The following DIAPH3 variants were observed in gnomAD, a reference collection of about 807,000 sequenced individuals.
The protein encoded by DIAPH3 is diaphanous related formin 3.
In DIAPH3, 117 loss-of-function variants were observed where a neutral mutation model predicts 144.3. The observed-to-expected ratio is 0.81, with a 90% CI of 0.70 to 0.95. The LOEUF (loss-of-function observed/expected upper bound fraction) is 0.95, where lower values mean the gene tolerates loss of function less well. Ranked by LOEUF, DIAPH3 falls within the 40% of genes least tolerant of loss-of-function variation. The pLI is 0.00. For missense variants in DIAPH3, 1,421 were observed against 1,412.7 expected (o/e 1.01, Z -0.09); for synonymous variants, 519 against 488.9 (o/e 1.06, Z -0.81).
intron 25 of DIAPH3, among the ~76,000 whole-genome samples, chr13:59,786,027 G>A (rs2039014967): frequency 6.6e-6 from 1 of 152,058 alleles, no homozygotes; most frequent in African/African-American, 2.4e-5. Flanking sequence ...AAAACATACG[G>A]CTTGCTGGAG....
intron 2 of DIAPH3, among the ~76,000 whole-genome samples, chr13:60,132,193 G>A (rs1281757273): frequency 6.6e-6 from 1 of 152,142 alleles, no homozygotes; most frequent in Non-Finnish European, 1.5e-5. Context: ...TTACCCAGGT[G>A]CATAAGACAG....
intron 22 of DIAPH3, among the ~76,000 whole-genome samples, chr13:59,855,899 T>G (rs1261409320): frequency 6.6e-6 from 1 of 151,742 alleles, no homozygotes; most frequent in Admixed American, 6.6e-5. Context: ...TATATATTTA[T>G]GGATATATAT....
chr13:60,045,952 AT>A, intron 4 of DIAPH3, among the ~76,000 whole-genome samples: 1 of 152,212 alleles, frequency 6.6e-6, no homozygotes, highest in East Asian at 1.9e-4. Flanking sequence ...ATAATTCTTA[AT>A]TCCTTTAACA....
intron 21 of DIAPH3, among the ~76,000 whole-genome samples, chr13:59,876,896 A>C (rs2140038274): frequency 6.6e-6 from 1 of 152,210 alleles, no homozygotes; most frequent in South Asian, 2.1e-4. Flanking sequence ...TTCTCAGGGA[A>C]AGCCTGAATC....
intron 24 of DIAPH3, 177 bp downstream of exon 24, chr13:59,832,930 C>T (rs1385122739): frequency 3.2e-5 from 20 of 621,342 alleles, no homozygotes; most frequent in Admixed American, 1.0e-4. Context: ...GTTGGAAAGG[C>T]CAAAAGGAGA....
intron 20 of DIAPH3, among the ~76,000 whole-genome samples, chr13:59,899,802 A>T (rs2046331660): frequency 6.6e-6 from 1 of 152,234 alleles, no homozygotes; most frequent in South Asian, 2.1e-4. Context: ...AACACAAGCA[A>T]AATTTTGTAC....
At chr13:59,936,100 G>T (rs1462344816) in intron 17 of DIAPH3, among the ~76,000 whole-genome samples, 1 of 151,914 alleles carries the variant, frequency 6.6e-6, no homozygotes, top group Admixed American at 6.6e-5. Flanking sequence ...CTTCATTATG[G>T]GTATATCTAG....
chr13:60,000,820 C>G (rs2052478545), intron 9 of DIAPH3, among the ~76,000 whole-genome samples: 1 of 152,080 alleles, frequency 6.6e-6, no homozygotes, highest in Admixed American at 6.6e-5. Context: ...TATTCAGTAA[C>G]TAACATAGGG....
chr13:60,083,767 G>A (rs778495611), intron 4 of DIAPH3, among the ~76,000 whole-genome samples: 6 of 151,998 alleles, frequency 3.9e-5, no homozygotes, highest in Admixed American at 1.3e-4. Flanking sequence ...GACCAAGCAC[G>A]GTGGTGCATG....
chr13:60,077,526 C>A (rs930255108), intron 4 of DIAPH3, among the ~76,000 whole-genome samples: 7 of 151,986 alleles, frequency 4.6e-5, no homozygotes, highest in African/African-American at 1.7e-4. Context: ...CAAAATAAAA[C>A]AAATTTATTT....
At chr13:60,136,939 CA>C (rs67539072) in intron 1 of DIAPH3, among the ~76,000 whole-genome samples, 5 of 148,752 alleles carry the variant, frequency 3.4e-5, no homozygotes, top group East Asian at 2.0e-4. Flanking sequence ...GACTCCGTCT[CA>C]AAAAAAAAAA....
At position 59,976,718 on chromosome 13, in the gene DIAPH3, T is replaced by C. The variant is rs546742862; in HGVS notation, c.1546-2262A>G. ...TCTTTCCTCACCCTCCTCCTGCTTG[T>C]CTCATCTTCCACAGCCATGTTTAAA... On this transcript the variant is annotated intron_variant, in intron 14 of 27. Coordinates refer to ENST00000400324, the MANE Select transcript of DIAPH3 (RefSeq NM_001042517.2). 3.3e-5 allele frequency among the ~76,000 whole-genome samples: 5 copies of C among 151,744 alleles called. No individual in the cohort carries two copies. In the East Asian group the frequency reaches 9.7e-4, roughly 30 times the overall value.
At chr13:59,808,054 T>A (rs972716400) in intron 25 of DIAPH3, among the ~76,000 whole-genome samples, 3 of 151,748 alleles carry the variant, frequency 2.0e-5, no homozygotes, top group Non-Finnish European at 4.4e-5. Context: ...TACAGTCATA[T>A]TATAAATAAT....
intron 7 of DIAPH3, among the ~76,000 whole-genome samples, chr13:60,014,444 A>G (rs1039165844): frequency 1.3e-5 from 2 of 152,194 alleles, no homozygotes; most frequent in Non-Finnish European, 2.9e-5. Flanking sequence ...TTTGAAAATA[A>G]TATCTGTTTA....
At chr13:59,900,169 C>T (rs1476565379) in intron 20 of DIAPH3, among the ~76,000 whole-genome samples, 1 of 152,094 alleles carries the variant, frequency 6.6e-6, no homozygotes, top group Non-Finnish European at 1.5e-5. Context: ...ACTAAATAAG[C>T]TCAATCCCTT....
intron 4 of DIAPH3, among the ~76,000 whole-genome samples, chr13:60,055,088 T>G (rs1381207537): frequency 6.6e-6 from 1 of 151,902 alleles, no homozygotes; most frequent in East Asian, 1.9e-4. Context: ...GCCTATAATT[T>G]GGAAGCTGGT....
intron 21 of DIAPH3, among the ~76,000 whole-genome samples, chr13:59,878,423 C>A (rs2140047814): frequency 6.6e-6 from 1 of 152,252 alleles, no homozygotes; most frequent in Middle Eastern, 3.4e-3. Context: ...TTGTTTTTCA[C>A]CTTCCCTAAC....
At chr13:59,704,079 T>G (rs1225069335) in intron 27 of DIAPH3, among the ~76,000 whole-genome samples, 1 of 152,226 alleles carries the variant, frequency 6.6e-6, no homozygotes, top group African/African-American at 2.4e-5. Flanking sequence ...TATCATTTCC[T>G]CAGCAAAAAT....
At chr13:59,892,119 A>C (rs1309761241) in intron 20 of DIAPH3, among the ~76,000 whole-genome samples, 8 of 151,986 alleles carry the variant, frequency 5.3e-5, no homozygotes, top group African/African-American at 1.7e-4. Flanking sequence ...GAAAAACAAC[A>C]AACAAATCAG....
Sources: allele counts gnomAD v4.1 joint callset (sites outside exome capture counted in the v4.1 genomes callset), GRCh38; gene constraint gnomAD v4.1.1; transcripts MANE v1.5; gene names NCBI Gene and HGNC (gene_info 2026-07-23, HGNC 2026-07-21).